The following LAMA2 variants were observed in gnomAD, a reference collection of about 807,000 sequenced individuals.
LAMA2 encodes laminin subunit alpha-2.
In LAMA2, 269 loss-of-function variants were observed where a neutral mutation model predicts 364.8. The observed-to-expected ratio is 0.74, with a 90% confidence interval of 0.67 to 0.82. LAMA2 has a LOEUF of 0.82. Among genes scored for constraint, LAMA2 ranks in the 40% least tolerant of loss-of-function variants. LAMA2 has a pLI of 0.00. For missense variants in LAMA2, 3,807 were observed against 3,873.2 expected (o/e 0.98, Z 0.45); for synonymous variants, 1,379 against 1,370.6 (o/e 1.01, Z -0.14).
chr6:129,256,605 G>C (rs2114304534), intron 14 of LAMA2, among the ~76,000 whole-genome samples: 1 of 151,798 alleles, frequency 6.6e-6, no homozygotes, highest in East Asian at 1.9e-4. Context: ...GTAGAACTAA[G>C]AAGGAAGCAA....
At chr6:129,029,476 C>T (rs2114730404) in intron 1 of LAMA2, among the ~76,000 whole-genome samples, 1 of 151,992 alleles carries the variant, frequency 6.6e-6, no homozygotes, top group Admixed American at 6.6e-5. Context: ...GTAAGAATGT[C>T]TCATTTTGGA....
chr6:129,253,632 C>A (rs1053852305), intron 14 of LAMA2, among the ~76,000 whole-genome samples: 1 of 152,156 alleles, frequency 6.6e-6, no homozygotes, highest in Non-Finnish European at 1.5e-5. Context: ...TTAAACAGTA[C>A]AAAGAAATGA....
chr6:129,008,820 A>G (rs888235438), intron 1 of LAMA2, among the ~76,000 whole-genome samples: 1 of 152,204 alleles, frequency 6.6e-6, no homozygotes, highest in African/African-American at 2.4e-5. Flanking sequence ...AATCAGTTGC[A>G]GGAATTTTCC....
intron 38 of LAMA2, 105 bp from the exon 39 acceptor site, chr6:129,402,208 CAAAAAAAAAAA>C (rs372396435): frequency 2.6e-6 from 1 of 384,578 alleles, no homozygotes; most frequent in African/African-American, 4.2e-5. Context: ...GACTCTGTCT[CAAAAAAAAAAA>C]AAAAAAAACT....
At chr6:128,915,311 C>T (rs1018994878) in intron 1 of LAMA2, among the ~76,000 whole-genome samples, 19 of 152,132 alleles carry the variant, frequency 1.2e-4, no homozygotes, top group African/African-American at 2.9e-4. Flanking sequence ...CATACACATA[C>T]GAATTTTCTC....
At chr6:129,088,149 C>A (rs9492227) in intron 3 of LAMA2, among the ~76,000 whole-genome samples, 1 of 98,546 alleles carries the variant, frequency 1.0e-5, no homozygotes, top group Admixed American at 1.3e-4. Flanking sequence ...CATCTTGTAC[C>A]GCCCTTAATC....
At chr6:129,235,596 G>A (rs1045522699) in intron 12 of LAMA2, among the ~76,000 whole-genome samples, 2 of 152,132 alleles carry the variant, frequency 1.3e-5, no homozygotes, top group Non-Finnish European at 2.9e-5. Context: ...AATGTCCTGA[G>A]GGTCTGTCTG....
chr6:129,205,086 C>CAA (rs138906351), intron 12 of LAMA2, among the ~76,000 whole-genome samples: 4 of 148,748 alleles, frequency 2.7e-5, no homozygotes, highest in African/African-American at 4.9e-5. Flanking sequence ...TGATGCAATC[C>CAA]AAAAAAAAAA....
chr6:129,406,343 C>A (rs1046254121), intron 40 of LAMA2, among the ~76,000 whole-genome samples: 3 of 152,134 alleles, frequency 2.0e-5, no homozygotes, highest in African/African-American at 7.2e-5. Context: ...AGCTACTTGT[C>A]TTGCATAACT....
Position 128,883,228 on chromosome 6 carries a change from C to A in LAMA2, c.-18C>A. On this transcript the variant is annotated 5_prime_UTR_variant, in exon 1 of 65. Coordinates refer to ENST00000421865, the MANE Select transcript of LAMA2 (RefSeq NM_000426.4). The stretch of plus-strand genomic sequence containing the variant: ...CTCCTCTGGCTCCCGAGAAGTGGAT[C>A]CGGTCGCGGCCACTACGATGCCGGG... The A allele has an allele frequency of 6.5e-7, 1 of 1,546,886 alleles. No homozygotes were observed.
At chr6:128,980,440 A>G (rs1241102947) in intron 1 of LAMA2, among the ~76,000 whole-genome samples, 1 of 152,190 alleles carries the variant, frequency 6.6e-6, no homozygotes, top group African/African-American at 2.4e-5. Context: ...TACGCACGTG[A>G]CCATTCACAG....
At chr6:129,039,144 T>C (rs967102487) in intron 1 of LAMA2, among the ~76,000 whole-genome samples, 4 of 152,058 alleles carry the variant, frequency 2.6e-5, no homozygotes, top group African/African-American at 9.7e-5. Flanking sequence ...AGTTACAGTA[T>C]GATGAGGGTT....
At chr6:129,494,027 G>A (rs566675995) in intron 58 of LAMA2, among the ~76,000 whole-genome samples, 22 of 152,294 alleles carry the variant, frequency 1.4e-4, no homozygotes, top group African/African-American at 5.1e-4. Flanking sequence ...GAAATTATAA[G>A]GCCAAAAGAT....
Position 129,508,540 on chromosome 6 carries a change from T to C in LAMA2, c.8857+898T>C, listed in dbSNP as rs118080380. Among the ~76,000 whole-genome samples, 968 of 152,266 alleles carry C rather than the reference T, an allele frequency of 6.4e-3. 10 individuals are homozygous for C. Among genetic ancestry groups the C allele is most frequent in the South Asian group, 0.03 (147 of 4,832 alleles). On this transcript the variant is annotated intron_variant, in intron 62 of 64. Transcript: ENST00000421865. Reference sequence around the variant, plus strand: ...ACTAACCTTCCCAACCTCTGGTAACTATCCTTCTACTTTCTATCTATCTCC... The same window carrying C: ...ACTAACCTTCCCAACCTCTGGTAACCATCCTTCTACTTTCTATCTATCTCC...
intron 4 of LAMA2, among the ~76,000 whole-genome samples, chr6:129,126,126 A>G (rs1777102969): frequency 6.6e-6 from 1 of 152,162 alleles, no homozygotes; most frequent in African/African-American, 2.4e-5. Context: ...ATAAAATCTC[A>G]TATTTTGAAT....
chr6:129,417,264 A>C (rs555278988), intron 40 of LAMA2, among the ~76,000 whole-genome samples: 3 of 152,148 alleles, frequency 2.0e-5, no homozygotes, highest in African/African-American at 7.2e-5. Context: ...ATTGAGTGAC[A>C]GTGCAACTCT....
intron 9 of LAMA2, among the ~76,000 whole-genome samples, chr6:129,172,941 GCCGT>G (rs1181915115): frequency 3.3e-5 from 5 of 152,220 alleles, no homozygotes; most frequent in Non-Finnish European, 7.3e-5. Context: ...TTTTCCAGGT[GCCGT>G]CCGTCACCCC....
intron 1 of LAMA2, among the ~76,000 whole-genome samples, chr6:128,899,355 C>G (rs2114410102): frequency 6.6e-6 from 1 of 152,272 alleles, no homozygotes; most frequent in Non-Finnish European, 1.5e-5. Context: ...ACCTCAAGAG[C>G]AATTGCTATG....
intron 28 of LAMA2, among the ~76,000 whole-genome samples, chr6:129,321,990 A>T (rs1483864482): frequency 6.6e-6 from 1 of 152,184 alleles, no homozygotes; most frequent in African/African-American, 2.4e-5. Context: ...CATCCTAAGG[A>T]TTGATTTAAA....
Sources: gnomAD v4.1 joint callset for allele counts (sites outside exome capture counted in the v4.1 genomes callset) on GRCh38, gnomAD v4.1.1 for gene constraint, MANE v1.5 for transcripts, NCBI Gene and HGNC (gene_info 2026-07-23, HGNC 2026-07-21) for gene names.